The following PCNT variants were observed in gnomAD, a reference collection of about 807,000 sequenced individuals.
The protein encoded by PCNT is kendrin.
Under a neutral mutation model 380.4 loss-of-function variants are expected in PCNT, and 319 were observed. That is an observed-to-expected ratio of 0.84 (90% CI 0.77 to 0.92). The LOEUF is 0.92. Among genes scored for constraint, PCNT ranks in the 40% least tolerant of loss-of-function variants. The pLI, the probability that PCNT is intolerant of heterozygous loss-of-function variation, is 0.00. For synonymous variants in PCNT, 1,845 were observed against 1,735.2 expected, an observed-to-expected ratio of 1.06 and a Z score of -1.57; for missense variants, 4,400 against 4,255.3, an observed-to-expected ratio of 1.03 and a Z score of -0.95.
rs77501081 is a variant in PCNT at position 46,346,281 on chromosome 21, G to C, written c.720+73G>C. On this transcript the variant is annotated intron_variant, in intron 4 of 46. Transcript: ENST00000359568. ...CCCACAGGGCACAGTGGGCATCCGG[G>C]TGGGGGTGGGGTGGGCGCTGCCATC... is the stretch of plus-strand genomic sequence containing the variant. 323 of 754,116 alleles carry C rather than the reference G, an allele frequency of 4.3e-4. 9 individuals are homozygous for C. In the East Asian group the frequency reaches 9.7e-3, roughly 23 times the overall value. 46.7% of individuals were successfully genotyped at this position (754,116 alleles called of 1,614,324 possible).
chr21:46,420,289 AGATT>A (rs532746333), intron 31 of PCNT, among the ~76,000 whole-genome samples: 171 of 152,202 alleles, frequency 1.1e-3, no homozygotes, highest in African/African-American at 3.9e-3. Flanking sequence ...CAGGCCTCCA[AGATT>A]GATTGTCAAA....
At chr21:46,352,801 C>T (rs1456980105) in intron 9 of PCNT, among the ~76,000 whole-genome samples, 2 of 152,160 alleles carry the variant, frequency 1.3e-5, no homozygotes, top group Admixed American at 6.5e-5. Context: ...GGTCTGGATC[C>T]AGTTTCCTGG....
intron 21 of PCNT, 113 bp downstream of exon 21, chr21:46,391,489 CAG>C: frequency 1.2e-6 from 1 of 834,408 alleles, no homozygotes; most frequent in Non-Finnish European, 1.9e-6. Flanking sequence ...AAGTGTAAAC[CAG>C]CACGCAGCTT....
rs139382346 is a variant in PCNT at position 46,327,512 on chromosome 21, C to A, written c.267+923C>A. On this transcript the variant is annotated intron_variant, in intron 2 of 46. Transcript: ENST00000359568. ...AACCCCTGGGCTCAAGTGATCCTCC[C>A]TCCTCAGCCTCTTAAAGTGTTGGGA... Among the ~76,000 whole-genome samples, 925 of 152,244 alleles carry A rather than the reference C, an allele frequency of 6.1e-3. 23 individuals carry two copies. The highest frequency in any genetic ancestry group is 0.014 in the East Asian group (75 of 5,176).
chr21:46,437,507 G>C (rs1025925386), intron 40 of PCNT, among the ~76,000 whole-genome samples: 8 of 152,224 alleles, frequency 5.3e-5, no homozygotes, highest in African/African-American at 1.9e-4. Flanking sequence ...ACCTGGCCCA[G>C]CCTGCTGGCT....
In PCNT at chr21:46,380,238, T is replaced by A. The variant is rs552485311; in HGVS notation, c.3166-1456T>A. On this transcript the variant is annotated intron_variant, in intron 15 of 46. Transcript: ENST00000359568. ...GTGCAGTGGCGCAATCTAGGCTCAC[T>A]GCAAGCTCTGCCTCCCAGGTTCACA... 3.7e-5 allele frequency among the ~76,000 whole-genome samples: 5 copies of A among 135,084 alleles called. No homozygotes were observed. The South Asian group carries it at 1.3e-3, about 34-fold the overall frequency. 88.6% of individuals were successfully genotyped at this position (135,084 alleles called of 152,430 possible). A position where few individuals can be genotyped will look rare whatever the true frequency, so the allele number is the denominator to read the frequency against.
Position 46,385,859 on chromosome 21 carries a change from C to T in PCNT, c.3340C>T (p.His1114Tyr), listed in dbSNP as rs369608899. ...QLKDQVLSLS[H>Y]EIEECRSELE... ...GAAAGACCAGGTTTTATCCTTAAGT[C>T]ACGAGATAGAAGAGTGCCGCTCCGA... is the stretch of plus-strand genomic sequence containing the variant. The change falls in exon 17 of 47, where the codon CAC (histidine) becomes TAC (tyrosine). Residue 1114 changes from histidine to tyrosine, a missense_variant. By Grantham distance (83) the His-to-Tyr change is moderately conservative (BLOSUM62 2). Coordinates refer to ENST00000359568, the MANE Select transcript of PCNT (RefSeq NM_006031.6). The T allele has an allele frequency of 9.3e-6, 15 of 1,614,096 alleles. No individual in the cohort carries two copies. The African/African-American group carries it at 1.9e-4, about 20-fold the overall frequency.
Position 46,408,719 on chromosome 21 carries a change from G to GT in PCNT, c.5116-2449dup, listed in dbSNP as rs34814770. On this transcript the variant is annotated intron_variant, in intron 27 of 46. Transcript: ENST00000359568. The stretch of plus-strand genomic sequence containing the variant: ...AATGTTTGCTTAAGTCTTTCAGAAA[G>GT]TTTTTTTTTTTTTTTTTTTTTGAGA... Among the ~76,000 whole-genome samples the GT allele has an allele frequency of 7.7e-3, 846 of 110,516 alleles. 3 individuals carry two copies. The highest frequency in any genetic ancestry group is 0.019 in the South Asian group (62 of 3,304). The allele number at this position is 110,516 out of a possible 152,430, so 72.5% of individuals were successfully genotyped here. A position where few individuals can be genotyped will look rare whatever the true frequency, so the allele number is the denominator to read the frequency against.
intron 14 of PCNT, among the ~76,000 whole-genome samples, chr21:46,364,348 C>T (rs896634843): frequency 3.5e-5 from 5 of 144,744 alleles, no homozygotes; most frequent in Admixed American, 6.8e-5. Context: ...CGAAGCCCCC[C>T]GGCCACAGTG....
chr21:46,329,489 T>C (rs965990074), intron 2 of PCNT, among the ~76,000 whole-genome samples: 7 of 152,240 alleles, frequency 4.6e-5, no homozygotes, highest in African/African-American at 1.7e-4. Context: ...TTTTTCATTT[T>C]AGAATTAACT....
intron 3 of PCNT, among the ~76,000 whole-genome samples, chr21:46,343,481 A>G (rs141873902): frequency 2.0e-4 from 31 of 152,206 alleles, no homozygotes; most frequent in African/African-American, 6.7e-4. Flanking sequence ...ATGAAACCCA[A>G]GTGTATTATC....
chr21:46,442,428 G>A (rs2053632514), intron 43 of PCNT, 69 bp from the exon 44 acceptor site: 1 of 953,476 alleles, frequency 1.0e-6, no homozygotes, highest in Admixed American at 1.9e-5. Flanking sequence ...GTCACAGTGG[G>A]GTTTTCATTG....
In PCNT at chr21:46,425,259, C is replaced by T. The variant is rs1459928470; in HGVS notation, c.7180-572C>T. 6.6e-6 allele frequency among the ~76,000 whole-genome samples: 1 copy of T among 152,198 alleles called. No homozygotes were observed. Among genetic ancestry groups the T allele is most frequent in the Non-Finnish European group, 1.5e-5 (1 of 68,042 alleles). The stretch of plus-strand genomic sequence containing the variant: ...CTGCTGCGTAATCGGTGGGATAAAG[C>T]AGCCGCCTCGTGTTCACAGACCTGT... On this transcript the variant is annotated intron_variant, in intron 32 of 46. Transcript: ENST00000359568. This position sits in a 1 kb window ranked among gnomAD's most constrained non-coding sequence, Gnocchi z 4.2.
intron 2 of PCNT, among the ~76,000 whole-genome samples, chr21:46,332,833 G>A (rs551571232): frequency 2.7e-4 from 41 of 152,354 alleles, no homozygotes; most frequent in African/African-American, 8.7e-4. Flanking sequence ...GCTAATCTGG[G>A]CACTGTGGCT....
intron 30 of PCNT, among the ~76,000 whole-genome samples, chr21:46,417,634 C>G (rs1273488644): frequency 6.6e-6 from 1 of 152,120 alleles, no homozygotes; most frequent in Admixed American, 6.5e-5. Flanking sequence ...TATGGTTGGG[C>G]TCATGCTTGT....
In PCNT at chr21:46,411,471, G is replaced by A. The variant is rs1276753471; in HGVS notation, c.5398G>A (p.Glu1800Lys). 3.1e-6 allele frequency: 5 copies of A among 1,610,124 alleles called. No individual in the cohort carries two copies. The highest frequency in any genetic ancestry group is 4.2e-6 in the Non-Finnish European group (5 of 1,178,986). The change falls in exon 28 of 47, where the codon GAG becomes AAG. Residue 1800 changes from glutamate (E) to lysine (K), a missense_variant. Glu to Lys is a moderately conservative substitution (Grantham distance 56, BLOSUM62 1). Coordinates refer to ENST00000359568, the MANE Select transcript of PCNT (RefSeq NM_006031.6). ...GCTCGAGGCTGCGCTGGAAGCCAAG[G>A]AGGCCCTGAGCCGGCTGCTGGCTGA... ...GELEAALEAK[E>K]ALSRLLADQE...
intron 27 of PCNT, among the ~76,000 whole-genome samples, chr21:46,404,123 T>C (rs7279508): frequency 0.45 from 8,105 of 18,154 alleles, 2,241 homozygotes; most frequent in Middle Eastern, 0.56. Context: ...TGAATGAACA[T>C]AGCGTGGGAG....
intron 1 of PCNT, among the ~76,000 whole-genome samples, chr21:46,325,886 G>A (rs1303611760): frequency 6.6e-6 from 1 of 152,198 alleles, no homozygotes; most frequent in African/African-American, 2.4e-5. Flanking sequence ...CATAAAGGAA[G>A]ATGTGAGATT....
intron 13 of PCNT, among the ~76,000 whole-genome samples, chr21:46,359,029 C>CG (rs1306759827): frequency 6.6e-6 from 1 of 151,760 alleles, no homozygotes; most frequent in East Asian, 1.9e-4. Context: ...AGGATGGTCT[C>CG]GATCTCCTGA....
Sources: allele counts gnomAD v4.1 joint callset (sites outside exome capture counted in the v4.1 genomes callset), GRCh38; gene constraint gnomAD v4.1.1; non-coding constraint Gnocchi (gnomAD v3.1); transcripts MANE v1.5; gene names NCBI Gene and HGNC (gene_info 2026-07-23, HGNC 2026-07-21).